SERPINH1: variants seen among roughly 807,000 people sequenced by gnomAD.
The protein encoded by SERPINH1 is serpin family H member 1.
SERPINH1 carries 22 observed loss-of-function variants against 32.3 expected under a neutral mutation model. That is an observed-to-expected ratio of 0.68 (90% CI 0.49 to 0.97). SERPINH1 has a LOEUF of 0.97. SERPINH1 is among the 50% of genes least tolerant of loss of function. The pLI is 0.00. For synonymous variants in SERPINH1, 251 were observed against 245.9 expected (o/e 1.02, Z -0.19); for missense variants, 543 against 576.4 (o/e 0.94, Z 0.59).
chr11:75,570,984 G>T (rs1942186110), intron 4 of SERPINH1, among the ~76,000 whole-genome samples: 1 of 152,154 alleles, frequency 6.6e-6, no homozygotes, highest in African/African-American at 2.4e-5. Context: ...GCGTGCCAAG[G>T]GATGTGGCTG....
At chr11:75,569,330 C>T in intron 4 of SERPINH1, 159 bp downstream of exon 4, 1 of 620,356 alleles carries the variant, frequency 1.6e-6, no homozygotes. Flanking sequence ...GAGGTGTGGG[C>T]CATGCCCTTG....
chr11:75,571,666 A>C, intron 4 of SERPINH1, 115 bp from the exon 5 acceptor site: 1 of 899,426 alleles, frequency 1.1e-6, no homozygotes, highest in Non-Finnish European at 1.8e-6. Context: ...GAAGGTGACC[A>C]GGGGGTGGTT....
chr11:75,569,640 C>T (rs1310662283), intron 4 of SERPINH1, among the ~76,000 whole-genome samples: 2 of 152,114 alleles, frequency 1.3e-5, no homozygotes, highest in African/African-American at 2.4e-5. Flanking sequence ...CCAGGCTGGT[C>T]TCAAACTCCT....
chr11:75,568,983 G>C lies in SERPINH1; in HGVS notation c.766G>C (p.Val256Leu). The C allele has an allele frequency of 6.2e-7, 1 of 1,614,126 alleles. No homozygotes were observed. The highest frequency in any genetic ancestry group is 2.2e-5 in the East Asian group (1 of 44,886). The change falls in exon 4 of 5, where the codon GTG becomes CTG. Residue 256 changes from valine to leucine, a missense_variant. Val to Leu is a conservative substitution (Grantham distance 32). Coordinates refer to ENST00000358171, the MANE Select transcript of SERPINH1 (RefSeq NM_001235.5). ...YDDEKEKLQI[V>L]EMPLAHKLSS... ...CGACGAGAAGGAAAAGCTGCAAATC[G>C]TGGAGATGCCCCTGGCCCACAAGCT...
rs1565244425 is a variant in SERPINH1, at chr11:75,571,773, T to C, written c.955-8T>C. The C allele has an allele frequency of 6.2e-7, 1 of 1,613,078 alleles. No homozygotes were observed. ...GGCCTCACCTGGCACACCTCCTTGT[T>C]CCCACAGAAACACCTGGCTGGGCTG... On this transcript the variant is annotated splice_region_variant and splice_polypyrimidine_tract_variant and intron_variant, in intron 4 of 4. Coordinates refer to ENST00000358171, the MANE Select transcript of SERPINH1 (RefSeq NM_001235.5).
intron 1 of SERPINH1, 37 bp from the exon 2 acceptor site, chr11:75,566,279 G>C (rs1942069855): frequency 1.3e-6 from 2 of 1,549,802 alleles, no homozygotes; most frequent in Non-Finnish European, 1.7e-6. Flanking sequence ...GGAAGGCCTT[G>C]GGCTTCAAGA....
rs1429915585 is a variant in SERPINH1, at chr11:75,568,499, A to C, written c.623-232A>C. 3.4e-5 allele frequency: 20 copies of C among 595,178 alleles called. No homozygotes were observed. In the East Asian group the frequency reaches 5.7e-4, roughly 17 times the overall value. 36.9% of individuals were successfully genotyped at this position (595,178 alleles called of 1,614,324 possible). On this transcript the variant is annotated intron_variant, in intron 2 of 4. Coordinates refer to ENST00000358171, the MANE Select transcript of SERPINH1 (RefSeq NM_001235.5). ...TCTCTATCATATGGGAGCAGCAGGCACTGACTGTAGGGAACCGCATCCTCA... is the reference window on the plus strand; with the variant it reads ...TCTCTATCATATGGGAGCAGCAGGCCCTGACTGTAGGGAACCGCATCCTCA...
intron 4 of SERPINH1, among the ~76,000 whole-genome samples, chr11:75,570,261 GCC>G (rs1942173069): frequency 6.6e-6 from 1 of 152,156 alleles, no homozygotes; most frequent in South Asian, 2.1e-4. Flanking sequence ...CAGACTTGCT[GCC>G]CAGAGAGCTT....
In SERPINH1 at chr11:75,571,997, C is replaced by G. The variant is rs1403593010; in HGVS notation, c.1171C>G (p.Leu391Val). ...CTACGCCGACCACCCCTTCATCTTC[C>G]TAGTGCGGGACACCCAAAGCGGCTC... ...LFYADHPFIFLVRDTQSGSLL... is the reference protein window; with the variant it reads ...LFYADHPFIFVVRDTQSGSLL... Residue 391 changes from leucine (L) to valine (V), a missense_variant, in exon 5 of 5, where the codon CTA becomes GTA. By Grantham distance (32) the Leu-to-Val change is conservative. Coordinates refer to ENST00000358171, the MANE Select transcript of SERPINH1 (RefSeq NM_001235.5). 6.2e-7 allele frequency: 1 copy of G among 1,614,234 alleles called. No homozygotes were observed. Among genetic ancestry groups the G allele is most frequent in the South Asian group, 1.1e-5 (1 of 91,080 alleles).
In SERPINH1 at chr11:75,565,743, G is replaced by A. The variant is rs150672107; in HGVS notation, c.-34-573G>A. On this transcript the variant is annotated intron_variant, in intron 1 of 4. Transcript: ENST00000358171. ...AGAGCAGAATGAAAGGCATGGGGGC[G>A]GGGCAGCCCTCCGGCTCTGTCCCTC... Among the ~76,000 whole-genome samples the A allele has an allele frequency of 2.3e-3, 350 of 152,354 alleles. 2 individuals are homozygous for A. The highest frequency in any genetic ancestry group is 7.4e-3 in the African/African-American group (307 of 41,582).
At chr11:75,568,551 C>G in intron 2 of SERPINH1, 180 bp from the exon 3 acceptor site, 1 of 667,724 alleles carries the variant, frequency 1.5e-6, no homozygotes, top group Non-Finnish European at 2.7e-6. Flanking sequence ...GCCAAGACCC[C>G]TTCCCAAAGC....
intron 1 of SERPINH1, among the ~76,000 whole-genome samples, chr11:75,564,637 G>T (rs1482869926): frequency 6.6e-6 from 1 of 152,178 alleles, no homozygotes; most frequent in African/African-American, 2.4e-5. Context: ...GCCAGAGCTG[G>T]GAGGGAGGTG....
At chr11:75,568,393 C>A in intron 2 of SERPINH1, 5 of 403,012 alleles carry the variant, frequency 1.2e-5, no homozygotes, top group Non-Finnish European at 2.4e-5. Flanking sequence ...AAGCCCACCT[C>A]AGAGCATGTT....
At position 75,569,105 on chromosome 11, in the gene SERPINH1, G is replaced by C; in HGVS notation, c.888G>C (p.Lys296Asn). ...AGCAGCTGAAGATCTGGATGGGGAAGATGCAGAAGAAGGCTGTTGCCATCT... is the reference window on the plus strand; with the variant it reads ...AGCAGCTGAAGATCTGGATGGGGAACATGCAGAAGAAGGCTGTTGCCATCT... Reference protein sequence around the residue: ...TKEQLKIWMGKMQKKAVAISL... With the variant: ...TKEQLKIWMGNMQKKAVAISL... Residue 296 changes from lysine (K) to asparagine (N), a missense_variant, in exon 4 of 5, where the codon AAG becomes AAC. Coordinates refer to ENST00000358171, the MANE Select transcript of SERPINH1 (RefSeq NM_001235.5). 1 of 1,614,196 alleles carries C rather than the reference G, an allele frequency of 6.2e-7. No individual in the cohort carries two copies. Among genetic ancestry groups the C allele is most frequent in the South Asian group, 1.1e-5 (1 of 91,078 alleles).
Position 75,572,663 on chromosome 11 carries a change from T to G in SERPINH1, c.*580T>G, listed in dbSNP as rs145619367. On this transcript the variant is annotated 3_prime_UTR_variant, in exon 5 of 5. Transcript: ENST00000358171. ...CGTTGTGGGGATGAACTTTTTGTTT[T>G]GTTTCTTCCTTTTTTAGTTCTTCAA... 632 of 157,096 alleles carry G rather than the reference T, an allele frequency of 4.0e-3. 6 individuals are homozygous for G. The highest frequency in any genetic ancestry group is 0.014 in the African/African-American group (602 of 41,572). 9.7% of individuals were successfully genotyped at this position (157,096 alleles called of 1,614,324 possible).
chr11:75,569,259 T>C, intron 4 of SERPINH1, 88 bp downstream of exon 4: 1 of 938,698 alleles, frequency 1.1e-6, no homozygotes, highest in South Asian at 1.5e-5. Context: ...AGCAGGTCTG[T>C]CCCAAGACCC....
chr11:75,568,101 A>T (rs1030819770), intron 2 of SERPINH1: 1 of 160,046 alleles, frequency 6.2e-6, no homozygotes, highest in Non-Finnish European at 1.4e-5. Context: ...ATTTGAGACC[A>T]GCCTGGGTAA....
Position 75,572,072 on chromosome 11 carries a change from G to C in SERPINH1, c.1246G>C (p.Asp416His), listed in dbSNP as rs1942207939. 6.2e-7 allele frequency: 1 copy of C among 1,613,994 alleles called. No individual in the cohort carries two copies. The highest frequency in any genetic ancestry group is 8.5e-7 in the Non-Finnish European group (1 of 1,180,038). The change falls in exon 5 of 5, where the codon GAC becomes CAC. Residue 416 changes from aspartate to histidine, a missense_variant. Coordinates refer to ENST00000358171, the MANE Select transcript of SERPINH1 (RefSeq NM_001235.5). ...CCGGCCTAAGGGTGACAAGATGCGA[G>C]ACGAGTTATAGGGCCTCAGGGTGCA... is the stretch of plus-strand genomic sequence containing the variant. ...LVRPKGDKMR[D>H]EL
chr11:75,567,425 A>T (rs1359493686), intron 2 of SERPINH1, among the ~76,000 whole-genome samples: 1 of 152,198 alleles, frequency 6.6e-6, no homozygotes, highest in East Asian at 1.9e-4. Context: ...GGCTTCAAGC[A>T]ATTCTCCTGC....
Sources: gnomAD v4.1 joint callset for allele counts (sites outside exome capture counted in the v4.1 genomes callset) on GRCh38, gnomAD v4.1.1 for gene constraint, MANE v1.5 for transcripts, NCBI Gene and HGNC (gene_info 2026-07-23, HGNC 2026-07-21) for gene names.